MEGF6: variants seen among roughly 807,000 people sequenced by gnomAD.
MEGF6 encodes the protein multiple EGF like domains 6.
In MEGF6, 184 loss-of-function variants were observed where a neutral mutation model predicts 207.1. That is an observed-to-expected ratio of 0.89 (90% confidence interval 0.79 to 1.00). MEGF6 has a LOEUF of 1.00. MEGF6 is among the 50% of genes least tolerant of loss of function. MEGF6 has a pLI of 0.00. For synonymous variants in MEGF6, 1,038 were observed against 910.0 expected, an observed-to-expected ratio of 1.14 and a Z score of -2.53; for missense variants, 2,282 against 2,202.9, an observed-to-expected ratio of 1.04 and a Z score of -0.72.
At chr1:3,561,902 A>G (rs76426398) in intron 4 of MEGF6, among the ~76,000 whole-genome samples, 2,525 of 152,372 alleles carry the variant, frequency 0.017, 76 homozygotes, top group African/African-American at 0.057. Context: ...CCCAGAAAAC[A>G]AGACAAAATG....
At chr1:3,523,328 G>A (rs1641834690) in intron 5 of MEGF6, among the ~76,000 whole-genome samples, 2 of 152,176 alleles carry the variant, frequency 1.3e-5, no homozygotes, top group South Asian at 4.1e-4. Context: ...GGGTGAGGGT[G>A]GCTGACTGGC....
At chr1:3,601,519 C>A (rs555644079) in intron 2 of MEGF6, among the ~76,000 whole-genome samples, 1 of 152,296 alleles carries the variant, frequency 6.6e-6, no homozygotes, top group African/African-American at 2.4e-5. Flanking sequence ...CCTCAGCCCT[C>A]CTGGTACTGG....
intron 1 of MEGF6, among the ~76,000 whole-genome samples, chr1:3,604,093 G>GC (rs1352872321): frequency 6.6e-6 from 1 of 152,236 alleles, no homozygotes; most frequent in Non-Finnish European, 1.5e-5. Context: ...CTGGCCTCCA[G>GC]CTGCCCACCC....
intron 6 of MEGF6, among the ~76,000 whole-genome samples, 181 bp downstream of exon 6, chr1:3,515,221 G>A (rs1033917540): frequency 6.6e-6 from 1 of 152,214 alleles, no homozygotes; most frequent in Admixed American, 6.5e-5. Flanking sequence ...CCTCAGGTGG[G>A]CACCTATGGA....
At position 3,499,922 on chromosome 1, in the gene MEGF6, A is replaced by G. The variant is rs1190366770; in HGVS notation, c.2710T>C (p.Cys904Arg). 2.6e-6 allele frequency: 4 copies of G among 1,560,544 alleles called. No individual in the cohort carries two copies. The highest frequency in any genetic ancestry group is 1.7e-6 in the Non-Finnish European group (2 of 1,153,598). Reference protein sequence around the residue: ...GYVGPRCEQQCPQGHFGPGCE... With the variant: ...GYVGPRCEQQRPQGHFGPGCE... ...CCGGGCCCAAAGTGGCCCTGGGGAC[A>G]CTCTGAGATATGCAGCCCCGGCCCA... Residue 904 changes from cysteine (C) to arginine (R), a missense_variant and splice_region_variant, in exon 22 of 37, where the codon TGT becomes CGT. Coordinates refer to ENST00000356575, the MANE Select transcript of MEGF6 (RefSeq NM_001409.4).
intron 4 of MEGF6, among the ~76,000 whole-genome samples, chr1:3,572,554 C>A (rs1643534036): frequency 6.9e-6 from 1 of 145,692 alleles, no homozygotes; most frequent in African/African-American, 2.6e-5. Context: ...ATGCTGGGTT[C>A]TCTCAGGTAT....
chr1:3,511,940 T>C, intron 8 of MEGF6, 66 bp downstream of exon 8: 1 of 1,605,218 alleles, frequency 6.2e-7, no homozygotes, highest in Non-Finnish European at 8.5e-7. Context: ...AAAGCAGGCC[T>C]CGGGGTCCTG....
At chr1:3,597,056 C>T (rs138823181) in intron 2 of MEGF6, among the ~76,000 whole-genome samples, 4 of 152,318 alleles carry the variant, frequency 2.6e-5, no homozygotes, top group East Asian at 1.9e-4. Flanking sequence ...GGTCGGCCCG[C>T]GGACCCCGCA....
Position 3,488,722 on chromosome 1 carries a change from G to C in MEGF6, c.*1806C>G, listed in dbSNP as rs1440047887. ...TCTCCGTGTTTCTCACGTATAGTCTGAGGTCAATTTGATTCCCATTCTTTT... is the reference window on the plus strand; with the variant it reads ...TCTCCGTGTTTCTCACGTATAGTCTCAGGTCAATTTGATTCCCATTCTTTT... On this transcript the variant is annotated 3_prime_UTR_variant, in exon 37 of 37. Coordinates refer to ENST00000356575, the MANE Select transcript of MEGF6 (RefSeq NM_001409.4). Among the ~76,000 whole-genome samples the C allele has an allele frequency of 2.0e-5, 3 of 152,346 alleles. No homozygotes were observed. In the East Asian group the frequency reaches 5.8e-4, roughly 29 times the overall value.
chr1:3,520,823 T>G (rs1206370306), intron 5 of MEGF6, among the ~76,000 whole-genome samples: 1 of 152,180 alleles, frequency 6.6e-6, no homozygotes, highest in Non-Finnish European at 1.5e-5. Flanking sequence ...TCTCTCTGCC[T>G]CAGAGACAAG....
At position 3,509,958 on chromosome 1, in the gene MEGF6, G is replaced by A. The variant is rs762625697; in HGVS notation, c.1269C>T (p.Cys423=). The stretch of plus-strand genomic sequence containing the variant: ...CGGCCAGGTTGGTGCAGTGGTGCTC[G>A]CAGCCGCCACGGCTGGAGGCGCACT... ...VDECASSRGG[C]EHHCTNLAGS... The change falls in exon 11 of 37, where the codon TGC becomes TGT. Residue 423 remains cysteine, a synonymous_variant. Coordinates refer to ENST00000356575, the MANE Select transcript of MEGF6 (RefSeq NM_001409.4). The A allele has an allele frequency of 3.7e-5, 59 of 1,583,128 alleles. No homozygotes were observed. The highest frequency in any genetic ancestry group is 4.6e-5 in the Non-Finnish European group (54 of 1,169,652).
At chr1:3,567,748 C>T (rs1389336771) in intron 4 of MEGF6, among the ~76,000 whole-genome samples, 1 of 152,234 alleles carries the variant, frequency 6.6e-6, no homozygotes, top group Non-Finnish European at 1.5e-5. Flanking sequence ...TGGGACGCTG[C>T]AGCGACCTTG....
chr1:3,522,557 G>C (rs1265214849), intron 5 of MEGF6, among the ~76,000 whole-genome samples: 1 of 147,426 alleles, frequency 6.8e-6, no homozygotes, highest in African/African-American at 2.5e-5. Context: ...ATCCCAGAAG[G>C]CCCGGCTATA....
At position 3,560,353 on chromosome 1, in the gene MEGF6, T is replaced by C. The variant is rs1372811138; in HGVS notation, c.481+19472A>G. Among the ~76,000 whole-genome samples, 1 of 152,230 alleles carries C rather than the reference T, an allele frequency of 6.6e-6. No homozygotes were observed. The highest frequency in any genetic ancestry group is 1.9e-4 in the East Asian group (1 of 5,190). ...GTTCCTTTCAGGGCCCACTAGGGGC[T>C]GTGCATTCCATGGACTTGGACAAGT... On this transcript the variant is annotated intron_variant, in intron 4 of 36. Coordinates refer to ENST00000356575, the MANE Select transcript of MEGF6 (RefSeq NM_001409.4). The surrounding 1 kb of genome is among the most constrained non-coding windows in gnomAD (Gnocchi z 4.0).
rs1343640696 is a variant in MEGF6 at position 3,514,645 on chromosome 1, C to T, written c.758G>A (p.Gly253Asp). 2.5e-5 allele frequency: 39 copies of T among 1,582,664 alleles called. No individual in the cohort carries two copies. Among genetic ancestry groups the T allele is most frequent in the Non-Finnish European group, 3.3e-5 (38 of 1,166,778 alleles). Reference protein sequence around the residue: ...VRRSPCANRNGSCMHRCQVVR... With the variant: ...VRRSPCANRNDSCMHRCQVVR... ...CACCTGGCACCTGTGCATGCAGCTG[C>T]CGTTCCTGTTGGCACACGGGCTTCT... The change falls in exon 7 of 37, where the codon GGC becomes GAC. Residue 253 changes from glycine (G) to aspartate (D), a missense_variant. Coordinates refer to ENST00000356575, the MANE Select transcript of MEGF6 (RefSeq NM_001409.4).
At position 3,515,433 on chromosome 1, in the gene MEGF6, G is replaced by A; in HGVS notation, c.699C>T (p.Phe233=). 3 of 1,612,572 alleles carry A rather than the reference G, an allele frequency of 1.9e-6. No homozygotes were observed. The highest frequency in any genetic ancestry group is 2.5e-6 in the Non-Finnish European group (3 of 1,179,874). ...TRHRCQCRPG[F]QLQEDGRHCV... is the part of the protein sequence containing the mutation. ...AATGCCTGCCGTCCTCCTGGAGCTG[G>A]AACCCGGGCCGGCACTGGCAGCGAT... Residue 233 remains phenylalanine (F), a synonymous_variant, in exon 6 of 37, where the codon TTC becomes TTT. Transcript: ENST00000356575.
upstream of MEGF6, among the ~76,000 whole-genome samples, chr1:3,614,859 G>A (rs1361180056): frequency 1.3e-5 from 2 of 152,238 alleles, no homozygotes; most frequent in African/African-American, 2.4e-5. Flanking sequence ...CCACTGATGC[G>A]AGGCAGCCTC....
intron 4 of MEGF6, among the ~76,000 whole-genome samples, chr1:3,553,291 G>A (rs1444926211): frequency 1.3e-5 from 2 of 151,902 alleles, no homozygotes; most frequent in Non-Finnish European, 2.9e-5. Flanking sequence ...GGGTACTCCG[G>A]GTACCCTGTG....
chr1:3,489,632 T>C lies in MEGF6; in HGVS notation c.*896A>G, dbSNP rs2100791006. ...GTGGGTGGGGTGAGCCCAAGGGAGT[T>C]CGGCCTCAGTCCAGGTTGCCCCTCC... On this transcript the variant is annotated 3_prime_UTR_variant, in exon 37 of 37. Coordinates refer to ENST00000356575, the MANE Select transcript of MEGF6 (RefSeq NM_001409.4). Among the ~76,000 whole-genome samples the C allele has an allele frequency of 6.6e-6, 1 of 152,210 alleles. No individual in the cohort carries two copies. The highest frequency in any genetic ancestry group is 1.9e-4 in the East Asian group (1 of 5,176).
Sources: gnomAD v4.1 joint callset for allele counts (sites outside exome capture counted in the v4.1 genomes callset) on GRCh38, gnomAD v4.1.1 for gene constraint, Gnocchi (gnomAD v3.1) non-coding constraint, MANE v1.5 for transcripts, NCBI Gene and HGNC (gene_info 2026-07-23, HGNC 2026-07-21) for gene names.